Variants in ZBTB20 observed in about 807,000 individuals in gnomAD.
The protein encoded by ZBTB20 is zinc finger and BTB domain-containing protein 20.
A neutral mutation model predicts 56.9 loss-of-function variants in ZBTB20; 9 were observed. That is an observed-to-expected ratio of 0.16 (90% CI 0.10 to 0.28). The LOEUF (loss-of-function observed/expected upper bound fraction) is 0.28. ZBTB20 is among the 10% of genes least tolerant of loss of function. The pLI is 1.00. For synonymous variants in ZBTB20, 417 were observed against 420.7 expected, an observed-to-expected ratio of 0.99 and a Z score of 0.11; for missense variants, 655 against 1,003.0, an observed-to-expected ratio of 0.65 and a Z score of 4.69.
At chr3:115,034,615 G>T (rs574019769) in intron 2 of ZBTB20, among the ~76,000 whole-genome samples, 1 of 151,804 alleles carries the variant, frequency 6.6e-6, no homozygotes, top group African/African-American at 2.4e-5. Flanking sequence ...TTGTGTTCAC[G>T]AATTGGAAGG....
At chr3:114,866,998 A>G (rs887139904) in intron 4 of ZBTB20, among the ~76,000 whole-genome samples, 5 of 152,188 alleles carry the variant, frequency 3.3e-5, no homozygotes, top group Non-Finnish European at 5.9e-5. Flanking sequence ...AACATAGTAC[A>G]TAGTTTCTGA....
chr3:115,135,193 G>GTGTCATGACAGTTGTTTAT (rs1471043529), intron 1 of ZBTB20, among the ~76,000 whole-genome samples: 2 of 152,160 alleles, frequency 1.3e-5, no homozygotes, highest in African/African-American at 4.8e-5. Context: ...TCTGCCCAAG[G>GTGTCATGACAGTTGTTTAT]TGTCATGACA....
rs562475820 is a variant in ZBTB20 at position 114,831,940 on chromosome 3, T to C, written c.-416-30766A>G. Among the ~76,000 whole-genome samples the C allele has an allele frequency of 2.0e-5, 3 of 152,240 alleles. 1 individual carries two copies. The highest frequency in any genetic ancestry group is 7.2e-5 in the African/African-American group (3 of 41,564). The stretch of plus-strand genomic sequence containing the variant: ...GACCCTGCTTAAATTTCATTACTCA[T>C]TATGTTTGAAAACTACCATTACATA... On this transcript the variant is annotated intron_variant, in intron 4 of 11. Transcript: ENST00000675478.
At chr3:114,537,927 A>G (rs529755324) in intron 6 of ZBTB20, among the ~76,000 whole-genome samples, 2 of 152,282 alleles carry the variant, frequency 1.3e-5, no homozygotes, top group South Asian at 4.1e-4. Flanking sequence ...GTGAGAGTTG[A>G]ACAATAAGAA....
At chr3:114,681,114 G>A (rs142050776) in intron 6 of ZBTB20, among the ~76,000 whole-genome samples, 176 of 150,034 alleles carry the variant, frequency 1.2e-3, no homozygotes, top group Middle Eastern at 0.01. Flanking sequence ...CCCTTAGATT[G>A]TTAGTATTTA....
At chr3:114,365,472 C>G (rs1456607510) in intron 10 of ZBTB20, among the ~76,000 whole-genome samples, 1 of 152,182 alleles carries the variant, frequency 6.6e-6, no homozygotes, top group Non-Finnish European at 1.5e-5. Context: ...TCAAATCATG[C>G]CATTCCTGTA....
Position 114,318,198 on chromosome 3 carries a change from G to T in ZBTB20, c.*20807C>A, listed in dbSNP as rs2078759942. On this transcript the variant is annotated 3_prime_UTR_variant, in exon 12 of 12. Coordinates refer to ENST00000675478, the MANE Select transcript of ZBTB20 (RefSeq NM_001348800.3). The stretch of plus-strand genomic sequence containing the variant: ...AGGGCACTGCCTCTCCATCTTCACA[G>T]TGAGCAGATGGATGGATAATCCACA... The T allele has an allele frequency of 6.6e-6, 1 of 152,236 alleles. No individual in the cohort carries two copies. The highest frequency in any genetic ancestry group is 2.4e-5 in the African/African-American group (1 of 41,466). 9.4% of individuals were successfully genotyped at this position (152,236 alleles called of 1,614,324 possible). A position where few individuals can be genotyped will look rare whatever the true frequency, so the allele number is the denominator to read the frequency against.
chr3:114,584,290 TTTTA>T (rs1398175936), intron 6 of ZBTB20, among the ~76,000 whole-genome samples: 1 of 152,176 alleles, frequency 6.6e-6, no homozygotes, highest in African/African-American at 2.4e-5. Flanking sequence ...CAGAAAAGAT[TTTTA>T]TTTTTTTCTA....
At chr3:114,924,488 C>T (rs192306365) in intron 3 of ZBTB20, among the ~76,000 whole-genome samples, 12 of 152,302 alleles carry the variant, frequency 7.9e-5, no homozygotes, top group African/African-American at 2.9e-4. Context: ...TGTGATCTCA[C>T]TTACATGAAA....
intron 6 of ZBTB20, among the ~76,000 whole-genome samples, chr3:114,566,051 G>A (rs577142468): frequency 2.9e-3 from 401 of 137,344 alleles, no homozygotes; most frequent in African/African-American, 0.011. Context: ...ACCGACCCCC[G>A]AAAGAAACAC....
chr3:114,380,112 G>T, intron 10 of ZBTB20, 105 bp downstream of exon 10: 1 of 1,237,970 alleles, frequency 8.1e-7, no homozygotes, highest in Non-Finnish European at 1.1e-6. Flanking sequence ...TGCTTTAGAA[G>T]ACCAAATGCA....
rs139879273 is a variant in ZBTB20, at chr3:114,393,281, G to GA, written c.-254-4177dup. ...TGGCAACTACATTAAAATCATAAAG[G>GA]AAATCACTCATCAATAGTACATTGC... On this transcript the variant is annotated intron_variant, in intron 7 of 11. Coordinates refer to ENST00000675478, the MANE Select transcript of ZBTB20 (RefSeq NM_001348800.3). 7.0e-4 allele frequency among the ~76,000 whole-genome samples: 106 copies of GA among 152,294 alleles called. 3 individuals are homozygous for GA. The East Asian group carries it at 0.019, about 28-fold the overall frequency.
chr3:114,690,562 A>G (rs557666776), intron 6 of ZBTB20, among the ~76,000 whole-genome samples: 1 of 152,264 alleles, frequency 6.6e-6, no homozygotes, highest in South Asian at 2.1e-4. Context: ...TAGCCATGGG[A>G]AGCTGGCTCA....
intron 4 of ZBTB20, among the ~76,000 whole-genome samples, chr3:114,808,245 A>G (rs1354020438): frequency 2.0e-5 from 3 of 152,036 alleles, no homozygotes; most frequent in Non-Finnish European, 4.4e-5. Context: ...ACAATTGTCC[A>G]GTTGCTAACA....
At chr3:114,878,591 A>C (rs1302309600) in intron 4 of ZBTB20, among the ~76,000 whole-genome samples, 1 of 151,700 alleles carries the variant, frequency 6.6e-6, no homozygotes, top group Non-Finnish European at 1.5e-5. Flanking sequence ...AAAAAAAAAA[A>C]AAAAGAACTG....
At chr3:114,805,422 C>G (rs998062097) in intron 4 of ZBTB20, among the ~76,000 whole-genome samples, 2 of 151,732 alleles carry the variant, frequency 1.3e-5, no homozygotes, top group African/African-American at 4.8e-5. Flanking sequence ...CCTTTTACAA[C>G]TTTGATTTGT....
rs1329584224 is a variant in ZBTB20 at position 114,325,788 on chromosome 3, G to A, written c.*13217C>T. The A allele has an allele frequency of 6.6e-6, 1 of 152,162 alleles. No individual in the cohort carries two copies. The highest frequency in any genetic ancestry group is 2.4e-5 in the African/African-American group (1 of 41,428). 9.4% of individuals were successfully genotyped at this position (152,162 alleles called of 1,614,324 possible). A position where few individuals can be genotyped will look rare whatever the true frequency, so the allele number is the denominator to read the frequency against. ...AATGTCAATTATAGCACAAAAGAAA[G>A]GTTACAAAAACGTTGTCAGGCTATC... On this transcript the variant is annotated 3_prime_UTR_variant, in exon 12 of 12. Coordinates refer to ENST00000675478, the MANE Select transcript of ZBTB20 (RefSeq NM_001348800.3).
intron 4 of ZBTB20, among the ~76,000 whole-genome samples, chr3:114,832,256 G>A (rs77174214): frequency 6.6e-6 from 1 of 152,140 alleles, no homozygotes; most frequent in Non-Finnish European, 1.5e-5. Context: ...GGTTTGGATG[G>A]AATACCAGGT....
At chr3:114,606,778 T>A (rs1484462256) in intron 6 of ZBTB20, among the ~76,000 whole-genome samples, 1 of 152,036 alleles carries the variant, frequency 6.6e-6, no homozygotes, top group Non-Finnish European at 1.5e-5. Flanking sequence ...CTGCAAGCCA[T>A]GGCTATTTTT....
Sources: gnomAD v4.1 joint callset for allele counts (sites outside exome capture counted in the v4.1 genomes callset) on GRCh38, gnomAD v4.1.1 for gene constraint, MANE v1.5 for transcripts, NCBI Gene and HGNC (gene_info 2026-07-23, HGNC 2026-07-21) for gene names.